POLA1: variants seen among roughly 807,000 people sequenced by gnomAD.
The protein encoded by POLA1 is DNA polymerase alpha 1, catalytic subunit, also known as DNA polymerase alpha catalytic subunit.
In POLA1, 15 loss-of-function variants were observed where a neutral mutation model predicts 124.0. The ratio of observed to expected loss-of-function variants is 0.12; its 90% confidence interval spans 0.08 to 0.19. The LOEUF (loss-of-function observed/expected upper bound fraction) is 0.19. POLA1 is among the 10% of genes least tolerant of loss of function. POLA1 has a pLI of 1.00. For missense variants in POLA1, 886 were observed against 1,103.4 expected, an observed-to-expected ratio of 0.80 and a Z score of 2.79; for synonymous variants, 408 against 389.4, an observed-to-expected ratio of 1.05 and a Z score of -0.56.
rs760363128 is a variant in POLA1, at chrX:24,726,041, G to A, written c.1378G>A (p.Glu460Lys). ...PDVPEKSEYL[E>K]VKYSAEMPQL... ...TGTTCCAGAAAAATCTGAGTACTTG[G>A]AAGTTAAATACTCGGTAAGTCAAAC... Residue 460 changes from glutamate (E) to lysine (K), a missense_variant, in exon 13 of 37, where the codon GAA becomes AAA. Coordinates refer to ENST00000379068, the MANE Select transcript of POLA1 (RefSeq NM_001330360.2). The A allele has an allele frequency of 1.8e-6, 2 of 1,139,164 alleles. No homozygotes were observed. Among genetic ancestry groups the A allele is most frequent in the African/African-American group, 3.6e-5 (2 of 55,722 alleles). The allele number at this position is 1,139,164 out of a possible 1,213,427, so 93.9% of individuals were successfully genotyped here. A position where few individuals can be genotyped will look rare whatever the true frequency, so the allele number is the denominator to read the frequency against.
intron 35 of POLA1, among the ~76,000 whole-genome samples, chrX:24,899,527 G>A (rs945970139): frequency 9.0e-6 from 1 of 111,472 alleles, no homozygotes; most frequent in African/African-American, 3.3e-5. Context: ...AGCCACTCAA[G>A]CCTAAAAATG....
At chrX:24,749,751 C>T (rs11573374) in intron 26 of POLA1, among the ~76,000 whole-genome samples, 4,465 of 111,960 alleles carry the variant, frequency 0.04, 221 homozygotes, top group African/African-American at 0.14. Context: ...TACATCAAGA[C>T]AGGAGTTATG....
At chrX:24,730,931 A>C (rs1306845011) in intron 15 of POLA1, among the ~76,000 whole-genome samples, 1 of 112,398 alleles carries the variant, frequency 8.9e-6, no homozygotes, top group Non-Finnish European at 1.9e-5. Flanking sequence ...GCAACCAAAT[A>C]ATTGATGAGG....
intron 35 of POLA1, among the ~76,000 whole-genome samples, chrX:24,899,968 C>G (rs1348618993): frequency 9.0e-6 from 1 of 111,096 alleles, no homozygotes; most frequent in Non-Finnish European, 1.9e-5. Context: ...TTTTTGTGTC[C>G]TATAAGAGAA....
At chrX:24,753,317 C>CTATTTTATTT (rs368623044) in intron 26 of POLA1, among the ~76,000 whole-genome samples, 1,458 of 89,609 alleles carry the variant, frequency 0.016, 49 homozygotes, top group African/African-American at 0.058. Context: ...CACGCCAGGC[C>CTATTTTATTT]TATTTTATTT....
chrX:24,815,085 C>G lies in POLA1; in HGVS notation c.3403C>G (p.Pro1135Ala). 8.3e-7 allele frequency: 1 copy of G among 1,202,214 alleles called. No homozygotes were observed. Among genetic ancestry groups the G allele is most frequent in the Admixed American group, 2.2e-5 (1 of 45,214 alleles). ...IGENVLNGSVPVSQFEINKAL... is the reference protein window; with the variant it reads ...IGENVLNGSVAVSQFEINKAL... ...AGAAAATGTGCTAAATGGCAGTGTC[C>G]CAGTGAGCCAGTTTGAAATTAACAA... The change falls in exon 30 of 37, where the codon CCA (proline) becomes GCA (alanine). Residue 1135 changes from proline (P) to alanine (A), a missense_variant. This residue lies in a region of POLA1 where 313 missense variants were observed against 359.7 expected (regional missense o/e 0.87). Transcript: ENST00000379068.
intron 35 of POLA1, among the ~76,000 whole-genome samples, chrX:24,906,562 A>G (rs1401689870): frequency 9.0e-6 from 1 of 110,716 alleles, no homozygotes; most frequent in Non-Finnish European, 1.9e-5. Flanking sequence ...AAGACTATAC[A>G]TTGGGTACAG....
At chrX:24,846,330 C>T (rs1203258899) in intron 34 of POLA1, among the ~76,000 whole-genome samples, 6 of 111,186 alleles carry the variant, frequency 5.4e-5, no homozygotes, top group Non-Finnish European at 1.1e-4. Flanking sequence ...ATACAGAAAG[C>T]ACTGAGCCAG....
At chrX:24,803,008 T>TAAC (rs1287473581) in intron 26 of POLA1, among the ~76,000 whole-genome samples, 2 of 110,796 alleles carry the variant, frequency 1.8e-5, no homozygotes, top group Non-Finnish European at 3.8e-5. Flanking sequence ...CAAAAAAAAA[T>TAAC]AACAATAATA....
rs1333396382 is a variant in POLA1, at chrX:24,843,513, TA to T, written c.3916-31del. 3 of 1,112,039 alleles carry T rather than the reference TA, an allele frequency of 2.7e-6. No homozygotes were observed. The Admixed American group carries it at 8.6e-5, about 32-fold the overall frequency. 91.6% of individuals were successfully genotyped at this position (1,112,039 alleles called of 1,213,427 possible). On this transcript the variant is annotated intron_variant, in intron 33 of 36. Coordinates refer to ENST00000379068, the MANE Select transcript of POLA1 (RefSeq NM_001330360.2). ...CAAAAACCCTTTTATAGCCTCACAG[TA>T]ATTTTTTGTATACTTCTCCTGACTT...
chrX:24,925,203 G>A (rs891161718), intron 35 of POLA1, among the ~76,000 whole-genome samples: 2 of 111,945 alleles, frequency 1.8e-5, no homozygotes, highest in Middle Eastern at 4.2e-3. Flanking sequence ...TTGGGGGTAC[G>A]TTTTGGGTTT....
At chrX:24,968,702 C>CAAAAAA (rs1230409270) in intron 36 of POLA1, among the ~76,000 whole-genome samples, 2 of 33,969 alleles carry the variant, frequency 5.9e-5, no homozygotes, top group African/African-American at 9.3e-5. Context: ...GACTCCATCT[C>CAAAAAA]AAAAAAAAAA....
chrX:24,757,957 G>A (rs773847481), intron 26 of POLA1, among the ~76,000 whole-genome samples: 14 of 111,379 alleles, frequency 1.3e-4, no homozygotes, highest in Non-Finnish European at 2.3e-4. Context: ...TCTGCAGATC[G>A]TTTATATTGA....
intron 34 of POLA1, among the ~76,000 whole-genome samples, chrX:24,874,088 G>A (rs762467401): frequency 8.1e-5 from 9 of 111,715 alleles, no homozygotes; most frequent in African/African-American, 2.6e-4. Context: ...TGCAAAAAAC[G>A]TACTTTCTTC....
intron 26 of POLA1, among the ~76,000 whole-genome samples, chrX:24,758,268 T>C (rs1053496948): frequency 2.7e-5 from 3 of 111,654 alleles, no homozygotes; most frequent in African/African-American, 9.7e-5. Context: ...TTATATATAA[T>C]CTATTATAAC....
intron 26 of POLA1, among the ~76,000 whole-genome samples, chrX:24,775,012 C>CT (rs1423103090): frequency 2.7e-5 from 3 of 111,029 alleles, no homozygotes; most frequent in Non-Finnish European, 5.7e-5. Context: ...CACACCATGT[C>CT]TTTTTTTTAA....
At chrX:24,964,103 A>T (rs2048197404) in intron 36 of POLA1, among the ~76,000 whole-genome samples, 1 of 111,622 alleles carries the variant, frequency 9.0e-6, no homozygotes, top group African/African-American at 3.3e-5. Flanking sequence ...TGCAAGCTCT[A>T]CCCAAAGGCA....
At chrX:24,905,552 A>AC (rs757447706) in intron 35 of POLA1, among the ~76,000 whole-genome samples, 883 of 61,837 alleles carry the variant, frequency 0.014, 15 homozygotes, top group African/African-American at 0.044. Flanking sequence ...GTAATGGTGA[A>AC]CCCCCCCCCC....
intron 26 of POLA1, among the ~76,000 whole-genome samples, chrX:24,759,473 T>C (rs1223354813): frequency 3.6e-5 from 4 of 111,907 alleles, no homozygotes; most frequent in African/African-American, 1.3e-4. Flanking sequence ...CACACTCACT[T>C]GGTAGTTTCT....
Sources: gnomAD v4.1 joint callset for allele counts (sites outside exome capture counted in the v4.1 genomes callset) on GRCh38, gnomAD v4.1.1 for gene constraint, gnomAD v4.1.1 regional missense constraint, MANE v1.5 for transcripts, NCBI Gene and HGNC (gene_info 2026-07-23, HGNC 2026-07-21) for gene names.